HOMER2: variants seen among roughly 807,000 people sequenced by gnomAD.
HOMER2 encodes the protein homer scaffold protein 2.
A neutral mutation model predicts 47.0 loss-of-function variants in HOMER2; 27 were observed. That is an observed-to-expected ratio of 0.57 (90% CI 0.42 to 0.79). The LOEUF is 0.79. HOMER2 is among the 30% of genes least tolerant of loss of function. The pLI is 0.00. For missense variants in HOMER2, 443 were observed against 435.0 expected (o/e 1.02, Z -0.16); for synonymous variants, 161 against 163.8 (o/e 0.98, Z 0.13).
intron 2 of HOMER2, among the ~76,000 whole-genome samples, chr15:82,879,922 A>G (rs2052468495): frequency 6.6e-6 from 1 of 152,244 alleles, no homozygotes. Context: ...CTAATCCAGC[A>G]GGAAAATTAA....
intron 2 of HOMER2, among the ~76,000 whole-genome samples, chr15:82,880,024 G>C (rs1012848289): frequency 6.6e-6 from 1 of 152,092 alleles, no homozygotes; most frequent in Admixed American, 6.5e-5. Context: ...CATACATTAT[G>C]AGTCTCTAGT....
intron 1 of HOMER2, among the ~76,000 whole-genome samples, chr15:82,928,851 C>T (rs913549211): frequency 6.7e-6 from 1 of 149,948 alleles, no homozygotes; most frequent in Non-Finnish European, 1.5e-5. Flanking sequence ...CACCTTCCCT[C>T]TCACATTCCC....
intron 1 of HOMER2, among the ~76,000 whole-genome samples, chr15:82,939,454 G>A (rs1322926454): frequency 6.6e-6 from 1 of 152,098 alleles, no homozygotes; most frequent in Non-Finnish European, 1.5e-5. Flanking sequence ...ATCACTTGTG[G>A]CTAGAAGTTC....
At chr15:82,847,248 C>T (rs1458031770), downstream of HOMER2, 1 of 152,222 alleles carries the variant, frequency 6.6e-6, no homozygotes, top group Non-Finnish European at 1.5e-5. Context: ...TCCAGGGCCA[C>T]TATTTTAAAA....
chr15:82,875,757 T>C (rs1186235387), intron 2 of HOMER2, among the ~76,000 whole-genome samples: 1 of 152,216 alleles, frequency 6.6e-6, no homozygotes, highest in African/African-American at 2.4e-5. Context: ...TGGCTAGCCA[T>C]GTCCCACATT....
At chr15:82,940,525 C>T (rs2054240837) in intron 1 of HOMER2, among the ~76,000 whole-genome samples, 1 of 152,110 alleles carries the variant, frequency 6.6e-6, no homozygotes, top group Non-Finnish European at 1.5e-5. Flanking sequence ...GGGCGGATCA[C>T]GAGGTCAGGA....
At chr15:82,978,075 G>A (rs993783023) in intron 1 of HOMER2, among the ~76,000 whole-genome samples, 5 of 152,132 alleles carry the variant, frequency 3.3e-5, no homozygotes, top group South Asian at 2.1e-4. Context: ...GCTTGAACCC[G>A]GGAGGCAGAG....
At chr15:82,867,673 G>A (rs1183869240) in intron 3 of HOMER2, among the ~76,000 whole-genome samples, 1 of 152,174 alleles carries the variant, frequency 6.6e-6, no homozygotes, top group East Asian at 1.9e-4. Context: ...GATATTTCTG[G>A]TAGTGTTGTG....
chr15:82,920,644 A>C (rs992341730), intron 1 of HOMER2, among the ~76,000 whole-genome samples: 26 of 151,960 alleles, frequency 1.7e-4, no homozygotes, highest in African/African-American at 6.0e-4. Context: ...GTGTAGTAAA[A>C]TCTCCCTCTG....
chr15:82,889,672 C>T (rs2052647291), intron 2 of HOMER2, among the ~76,000 whole-genome samples: 2 of 152,106 alleles, frequency 1.3e-5, no homozygotes, highest in South Asian at 2.1e-4. Flanking sequence ...GGGCAAGCCG[C>T]GGGGGACCAG....
intron 1 of HOMER2, among the ~76,000 whole-genome samples, chr15:82,967,083 C>T (rs56130312): frequency 2.2e-3 from 329 of 152,112 alleles, no homozygotes; most frequent in African/African-American, 7.2e-3. Context: ...GACCCTGTCT[C>T]TACAAAAATA....
chr15:82,841,055 A>G (rs1462880863), exon 2 of HOMER2: 3 of 152,170 alleles, frequency 2.0e-5, no homozygotes, highest in African/African-American at 7.2e-5. Context: ...ATTCCATAAT[A>G]AAATGAGAAA....
intron 1 of HOMER2, among the ~76,000 whole-genome samples, chr15:82,902,239 C>G (rs1310412707): frequency 6.8e-6 from 1 of 146,194 alleles, no homozygotes; most frequent in Non-Finnish European, 1.5e-5. Context: ...TCTCTGTCAC[C>G]CAGGCTGTAA....
At chr15:82,957,930 C>T (rs1182594086), downstream of HOMER2, among the ~76,000 whole-genome samples, 5 of 152,150 alleles carry the variant, frequency 3.3e-5, no homozygotes, top group South Asian at 6.2e-4. Context: ...CTCTGCCTCC[C>T]GGGTTCAAGC....
At chr15:82,847,613 C>G (rs1315281578), downstream of HOMER2, among the ~76,000 whole-genome samples, 1 of 152,232 alleles carries the variant, frequency 6.6e-6, no homozygotes, top group Non-Finnish European at 1.5e-5. Flanking sequence ...TCAGAATGTA[C>G]AAGTGGCTTC....
intron 1 of HOMER2, among the ~76,000 whole-genome samples, chr15:82,937,540 C>T (rs780587263): frequency 5.3e-5 from 8 of 152,078 alleles, no homozygotes; most frequent in Non-Finnish European, 7.4e-5. Context: ...AGACATTATC[C>T]GCTCCCATGG....
At chr15:82,901,992 C>T (rs2053134466) in intron 1 of HOMER2, among the ~76,000 whole-genome samples, 1 of 152,136 alleles carries the variant, frequency 6.6e-6, no homozygotes, top group African/African-American at 2.4e-5. Flanking sequence ...TACTTTCTAT[C>T]CACAGTATGC....
Position 82,872,552 on chromosome 15 carries a change from G to C in HOMER2, c.294+2721C>G, listed in dbSNP as rs73446942. On this transcript the variant is annotated intron_variant, in intron 3 of 8. Coordinates refer to ENST00000450735, the MANE Select transcript of HOMER2 (RefSeq NM_004839.4). ...TCTTAAAATCCTTCTCAGGCCATAG[G>C]ACAAAGTCCAGAAGCTCTGGCATGA... Among the ~76,000 whole-genome samples, 1,327 of 152,244 alleles carry C rather than the reference G, an allele frequency of 8.7e-3. 23 individuals are homozygous for C. Among genetic ancestry groups the C allele is most frequent in the African/African-American group, 0.031 (1,278 of 41,510 alleles).
intron 5 of HOMER2, among the ~76,000 whole-genome samples, 153 bp from the exon 6 acceptor site, chr15:82,854,953 T>TG (rs200044120): frequency 0.011 from 1,615 of 152,290 alleles, 7 homozygotes; most frequent in Non-Finnish European, 0.016. Flanking sequence ...CTGGCTACCC[T>TG]GATCCAGGGC....
Sources: gnomAD v4.1 joint callset for allele counts (sites outside exome capture counted in the v4.1 genomes callset) on GRCh38, gnomAD v4.1.1 for gene constraint, MANE v1.5 for transcripts, NCBI Gene and HGNC (gene_info 2026-07-23, HGNC 2026-07-21) for gene names.